Variants in ANKRD44 observed in about 807,000 individuals in gnomAD.
ANKRD44 encodes serine/threonine-protein phosphatase 6 regulatory ankyrin repeat subunit B.
Under a neutral mutation model 116.0 loss-of-function variants are expected in ANKRD44, and 35 were observed. That is an observed-to-expected ratio of 0.30 (90% CI 0.23 to 0.40). The LOEUF is 0.40. ANKRD44 is among the 10% of genes least tolerant of loss of function. The pLI is 1.00. For missense variants in ANKRD44, 1,014 were observed against 1,242.6 expected, an observed-to-expected ratio of 0.82 and a Z score of 2.77; for synonymous variants, 435 against 461.8, an observed-to-expected ratio of 0.94 and a Z score of 0.74.
chr2:197,058,071 T>C (rs942550828), intron 16 of ANKRD44, among the ~76,000 whole-genome samples: 1 of 152,190 alleles, frequency 6.6e-6, no homozygotes, highest in Admixed American at 6.5e-5. Context: ...TATTTTATAG[T>C]AAGCAATACC....
intron 2 of ANKRD44, among the ~76,000 whole-genome samples, chr2:197,168,803 C>T (rs567731312): frequency 1.1e-4 from 17 of 152,222 alleles, no homozygotes; most frequent in African/African-American, 3.6e-4. Flanking sequence ...TTAGAAGTAC[C>T]GTAATCCATG....
Position 197,193,201 on chromosome 2 carries a change from A to G in ANKRD44, c.28-6095T>C, listed in dbSNP as rs139457460. On this transcript the variant is annotated intron_variant, in intron 1 of 27. Coordinates refer to ENST00000282272, the MANE Select transcript of ANKRD44 (RefSeq NM_001195144.2). ...AAGGACCAACTACCCCAATTACCCA[A>G]TTTTTGGAACATTTAATCCTTTGTT... 6.6e-3 allele frequency among the ~76,000 whole-genome samples: 1,008 copies of G among 152,286 alleles called. 6 individuals are homozygous for G. Among genetic ancestry groups the G allele is most frequent in the Non-Finnish European group, 0.01 (710 of 68,024 alleles).
chr2:197,065,795 T>C (rs1217437644), intron 16 of ANKRD44, among the ~76,000 whole-genome samples: 32 of 152,030 alleles, frequency 2.1e-4, no homozygotes, highest in Admixed American at 2.1e-3. Context: ...AGGCAACAAT[T>C]AATAGCCTAC....
intron 22 of ANKRD44, among the ~76,000 whole-genome samples, chr2:197,001,192 C>A (rs1393815022): frequency 6.6e-6 from 1 of 152,200 alleles, no homozygotes; most frequent in Non-Finnish European, 1.5e-5. Flanking sequence ...ATCCTCAGGT[C>A]TTGGGCCCCC....
chr2:197,070,130 G>A (rs1291345699), intron 16 of ANKRD44, among the ~76,000 whole-genome samples: 2 of 152,002 alleles, frequency 1.3e-5, no homozygotes, highest in Admixed American at 6.6e-5. Context: ...ATGACTTCTA[G>A]GATTTTTTGG....
chr2:197,237,627 A>G (rs1180606033), intron 1 of ANKRD44, among the ~76,000 whole-genome samples: 2 of 152,222 alleles, frequency 1.3e-5, no homozygotes, highest in Non-Finnish European at 2.9e-5. Context: ...AATATACAAC[A>G]TGTAAATCAC....
At chr2:197,291,158 A>G (rs1364065179) in intron 1 of ANKRD44, among the ~76,000 whole-genome samples, 1 of 152,112 alleles carries the variant, frequency 6.6e-6, no homozygotes, top group East Asian at 1.9e-4. Context: ...GCTGTAAGCT[A>G]TAATCACACC....
At chr2:196,995,246 C>G (rs2075992438) in intron 26 of ANKRD44, 133 bp downstream of exon 26, 1 of 491,258 alleles carries the variant, frequency 2.0e-6, no homozygotes, top group East Asian at 3.3e-5. Context: ...CACCTTCATG[C>G]AGGGGAAGCC....
intron 16 of ANKRD44, among the ~76,000 whole-genome samples, chr2:197,062,998 C>A (rs938760111): frequency 6.6e-6 from 1 of 152,240 alleles, no homozygotes; most frequent in African/African-American, 2.4e-5. Context: ...AGCTGGAGAT[C>A]TGAGAATGGA....
intron 10 of ANKRD44, among the ~76,000 whole-genome samples, chr2:197,095,782 T>C (rs987845448): frequency 1.6e-4 from 25 of 152,178 alleles, no homozygotes; most frequent in Admixed American, 1.4e-3. Context: ...CATGAGGTTA[T>C]GGTGAAAGTT....
At chr2:197,124,984 T>C (rs2078942534) in intron 6 of ANKRD44, among the ~76,000 whole-genome samples, 1 of 152,144 alleles carries the variant, frequency 6.6e-6, no homozygotes, top group African/African-American at 2.4e-5. Flanking sequence ...TTTTGTTTCT[T>C]TCAAAAATAT....
chr2:197,258,578 G>A (rs2082516983), intron 1 of ANKRD44, among the ~76,000 whole-genome samples: 1 of 152,070 alleles, frequency 6.6e-6, no homozygotes, highest in Non-Finnish European at 1.5e-5. Flanking sequence ...TCACCTCTCT[G>A]CTTTCAATTC....
At chr2:197,113,928 G>T (rs1175820325) in intron 8 of ANKRD44, among the ~76,000 whole-genome samples, 1 of 152,202 alleles carries the variant, frequency 6.6e-6, no homozygotes, top group Non-Finnish European at 1.5e-5. Context: ...AATTGGGACA[G>T]AAAGCATTAA....
chr2:196,998,561 G>A lies in ANKRD44; in HGVS notation c.2666-142C>T, dbSNP rs1006681763. On this transcript the variant is annotated intron_variant, in intron 24 of 27. Coordinates refer to ENST00000282272, the MANE Select transcript of ANKRD44 (RefSeq NM_001195144.2). ...TTAATGTATTTAAAGAAAAAAGGGA[G>A]TAATTTATTCTCATATCTGTGCTAT... The A allele has an allele frequency of 5.8e-5, 41 of 702,490 alleles. No individual in the cohort carries two copies. In the Admixed American group the frequency reaches 8.5e-4, roughly 15 times the overall value. The allele number at this position is 702,490 out of a possible 1,614,324, so 43.5% of individuals were successfully genotyped here.
chr2:197,043,260 C>G (rs1027574383), intron 16 of ANKRD44, among the ~76,000 whole-genome samples: 2 of 152,202 alleles, frequency 1.3e-5, no homozygotes, highest in African/African-American at 4.8e-5. Context: ...TAGTGTAATT[C>G]TATATCATTC....
chr2:196,970,915 C>T (rs1024239228), intron 21 of ANKRD44, among the ~76,000 whole-genome samples: 3 of 152,132 alleles, frequency 2.0e-5, no homozygotes, highest in African/African-American at 4.8e-5. Flanking sequence ...GTTGCTCACA[C>T]TTGTCTCAAA....
intron 1 of ANKRD44, among the ~76,000 whole-genome samples, chr2:197,303,427 C>T (rs1467902816): frequency 6.6e-6 from 1 of 152,154 alleles, no homozygotes; most frequent in Admixed American, 6.5e-5. Flanking sequence ...GATTCCCAAT[C>T]TAGTGTTATT....
Position 196,973,376 on chromosome 2 carries a change from T to G in ANKRD44, c.2369-5930A>C, listed in dbSNP as rs186830779. On this transcript the variant is annotated intron_variant, in intron 21 of 21. Transcript: ENST00000424317. ...ATCATTTTTATTAAAAATATTTCCC[T>G]TTCTATCATTTGACTTTAACTTTGC... 4.0e-4 allele frequency among the ~76,000 whole-genome samples: 61 copies of G among 152,250 alleles called. 1 individual carries two copies. The highest frequency in any genetic ancestry group is 2.4e-3 in the Admixed American group (37 of 15,296).
intron 10 of ANKRD44, among the ~76,000 whole-genome samples, chr2:197,092,570 CTGTT>C (rs1233372075): frequency 5.3e-5 from 8 of 152,180 alleles, no homozygotes; most frequent in Non-Finnish European, 8.8e-5. Context: ...GGTCTTCCCT[CTGTT>C]TGTTTTCCTT....
Sources: allele counts gnomAD v4.1 joint callset (sites outside exome capture counted in the v4.1 genomes callset), GRCh38; gene constraint gnomAD v4.1.1; transcripts MANE v1.5; gene names NCBI Gene and HGNC (gene_info 2026-07-23, HGNC 2026-07-21).